TNIK: variants seen among roughly 807,000 people sequenced by gnomAD.
TNIK encodes the protein TRAF2 and NCK interacting kinase.
In TNIK, 49 loss-of-function variants were observed where a neutral mutation model predicts 191.3. The ratio of observed to expected loss-of-function variants is 0.26; its 90% CI spans 0.20 to 0.32. The LOEUF (loss-of-function observed/expected upper bound fraction) is 0.32. Among genes scored for constraint, TNIK ranks in the 10% least tolerant of loss-of-function variants. The pLI is 1.00. For missense variants in TNIK, 1,155 were observed against 1,702.3 expected (o/e 0.68, Z 5.66); for synonymous variants, 594 against 600.9 (o/e 0.99, Z 0.17).
At chr3:171,139,378 GCACACACACACACACACA>G (rs34521732) in intron 14 of TNIK, 74 bp downstream of exon 14, 8 of 692,882 alleles carry the variant, frequency 1.2e-5, no homozygotes, top group Admixed American at 4.2e-5. Context: ...ACGCACGCGC[GCACACACACACACACACA>G]CACACACACA....
chr3:171,339,196 C>T (rs1278349071), intron 2 of TNIK, among the ~76,000 whole-genome samples: 3 of 152,218 alleles, frequency 2.0e-5, no homozygotes, highest in Non-Finnish European at 4.4e-5. Flanking sequence ...CAGCCCTGAA[C>T]CTGCCATGTG....
At chr3:171,318,692 A>G (rs1034322856) in intron 2 of TNIK, among the ~76,000 whole-genome samples, 5 of 152,304 alleles carry the variant, frequency 3.3e-5, no homozygotes, top group Admixed American at 2.6e-4. Flanking sequence ...TTTAATTGAA[A>G]AAAAGCAACT....
chr3:171,174,801 T>C (rs1217409174), intron 9 of TNIK, among the ~76,000 whole-genome samples: 2 of 152,176 alleles, frequency 1.3e-5, no homozygotes, highest in African/African-American at 2.4e-5. Flanking sequence ...CAAATGCTCA[T>C]ACACGAGCCA....
chr3:171,357,589 C>T lies in TNIK; in HGVS notation c.123+12031G>A, dbSNP rs114157437. Among the ~76,000 whole-genome samples the T allele has an allele frequency of 6.2e-3, 904 of 146,370 alleles. 7 individuals carry two copies. Among genetic ancestry groups the T allele is most frequent in the African/African-American group, 0.022 (864 of 39,796 alleles). On this transcript the variant is annotated intron_variant, in intron 2 of 32. Coordinates refer to ENST00000436636, the MANE Select transcript of TNIK (RefSeq NM_015028.4). ...TTTTTTGGTACATATTTATAACTAC[C>T]TACTCTGTATTGGTACTAGAGAAAC...
intron 12 of TNIK, among the ~76,000 whole-genome samples, chr3:171,146,347 A>G (rs1302945325): frequency 2.0e-5 from 3 of 152,250 alleles, no homozygotes; most frequent in Non-Finnish European, 4.4e-5. Context: ...ATAATAAGCC[A>G]AAAAATGAGA....
intron 13 of TNIK, 140 bp from the exon 14 acceptor site, chr3:171,139,696 C>T (rs1452595962): frequency 1.4e-6 from 1 of 722,162 alleles, no homozygotes. Context: ...TCTTACAAAG[C>T]AGGAAGAGTA....
At chr3:171,166,624 C>A (rs1470666284) in intron 10 of TNIK, among the ~76,000 whole-genome samples, 1 of 152,092 alleles carries the variant, frequency 6.6e-6, no homozygotes, top group Admixed American at 6.6e-5. Context: ...TCTATCACTG[C>A]AACTATAAAA....
rs1385890110 is a variant in TNIK, at chr3:171,366,017, A to G, written c.123+3603T>C. 2.0e-5 allele frequency among the ~76,000 whole-genome samples: 3 copies of G among 152,238 alleles called. No individual in the cohort carries two copies. Among genetic ancestry groups the G allele is most frequent in the Non-Finnish European group, 2.9e-5 (2 of 68,040 alleles). On this transcript the variant is annotated intron_variant, in intron 2 of 32. Transcript: ENST00000436636. This position sits in a 1 kb window ranked among gnomAD's most constrained non-coding sequence, Gnocchi z 4.1. ...TAATTTGTAGTGGTATCTTACCAGT[A>G]AACATTAAACAATTATTTCAATTTA...
Position 171,060,289 on chromosome 3 carries a change from T to C in TNIK, c.*3592A>G, listed in dbSNP as rs1335746512. On this transcript the variant is annotated 3_prime_UTR_variant, in exon 33 of 33. Coordinates refer to ENST00000436636, the MANE Select transcript of TNIK (RefSeq NM_015028.4). ...ATGGTTCTGGCTGGAATTTCACATC[T>C]TTCTAATAATCTACTGGACAGGAGG... Among the ~76,000 whole-genome samples, 1 of 152,192 alleles carries C rather than the reference T, an allele frequency of 6.6e-6. No individual in the cohort carries two copies. Among genetic ancestry groups the C allele is most frequent in the Non-Finnish European group, 1.5e-5 (1 of 68,034 alleles).
intron 2 of TNIK, among the ~76,000 whole-genome samples, chr3:171,231,811 C>A (rs1394547699): frequency 1.3e-5 from 2 of 152,046 alleles, no homozygotes; most frequent in Non-Finnish European, 2.9e-5. Context: ...AGGAAGGGGC[C>A]CCTAAGAGCC....
Position 171,215,151 on chromosome 3 carries a change from C to A in TNIK, c.181-3910G>T, listed in dbSNP as rs112317564. Among the ~76,000 whole-genome samples, 468 of 152,190 alleles carry A rather than the reference C, an allele frequency of 3.1e-3. 1 individual carries two copies. The highest frequency in any genetic ancestry group is 6.8e-3 in the Middle Eastern group (2 of 294). ...TCCTACTGCTTGCCAGAGAACCAAC[C>A]CTTCAACCCCCATGTGAGAAACCGG... On this transcript the variant is annotated intron_variant, in intron 3 of 32. Transcript: ENST00000436636.
chr3:171,170,693 G>A (rs1271034460), intron 9 of TNIK, among the ~76,000 whole-genome samples: 1 of 152,164 alleles, frequency 6.6e-6, no homozygotes, highest in Non-Finnish European at 1.5e-5. Context: ...ATTGCCCCCA[G>A]CAATCTCTGA....
chr3:171,195,854 A>T (rs1435112422), intron 4 of TNIK, among the ~76,000 whole-genome samples: 1 of 152,188 alleles, frequency 6.6e-6, no homozygotes, highest in African/African-American at 2.4e-5. Context: ...CCAACCAGAT[A>T]AAAGTTGGGA....
chr3:171,110,255 T>C (rs1725641838), intron 19 of TNIK, among the ~76,000 whole-genome samples: 1 of 152,216 alleles, frequency 6.6e-6, no homozygotes, highest in Non-Finnish European at 1.5e-5. Context: ...TCAAGTGTAT[T>C]CTACATTAGT....
chr3:171,426,673 C>A (rs150203176), intron 1 of TNIK, among the ~76,000 whole-genome samples: 1 of 152,286 alleles, frequency 6.6e-6, no homozygotes, highest in African/African-American at 2.4e-5. Context: ...GCCCCATCCT[C>A]TCCAGAGTCT....
At chr3:171,359,533 A>C (rs1714659956) in intron 2 of TNIK, among the ~76,000 whole-genome samples, 1 of 152,190 alleles carries the variant, frequency 6.6e-6, no homozygotes, top group South Asian at 2.1e-4. Flanking sequence ...CAAAGTGAGC[A>C]ACAGGACCAA....
At chr3:171,257,611 G>A (rs902252083) in intron 2 of TNIK, among the ~76,000 whole-genome samples, 10 of 152,202 alleles carry the variant, frequency 6.6e-5, no homozygotes, top group African/African-American at 2.4e-4. Context: ...AAAGCATGAA[G>A]AACATGTCAG....
intron 2 of TNIK, among the ~76,000 whole-genome samples, chr3:171,360,368 T>C (rs1365678658): frequency 6.6e-6 from 1 of 152,232 alleles, no homozygotes; most frequent in Non-Finnish European, 1.5e-5. Context: ...AGTATTGCTG[T>C]AACAGTTTTG....
At chr3:171,303,447 T>C (rs959991825) in intron 2 of TNIK, among the ~76,000 whole-genome samples, 1 of 152,224 alleles carries the variant, frequency 6.6e-6, no homozygotes, top group Admixed American at 6.5e-5. Context: ...GACACTGGTG[T>C]AGAACTGATT....
Sources: gnomAD v4.1 joint callset for allele counts (sites outside exome capture counted in the v4.1 genomes callset) on GRCh38, gnomAD v4.1.1 for gene constraint, Gnocchi (gnomAD v3.1) non-coding constraint, MANE v1.5 for transcripts, NCBI Gene and HGNC (gene_info 2026-07-23, HGNC 2026-07-21) for gene names.